The following PLXDC2 variants were observed in gnomAD, a reference collection of about 807,000 sequenced individuals.
The protein encoded by PLXDC2 is plexin domain containing 2.
A neutral mutation model predicts 68.9 loss-of-function variants in PLXDC2; 40 were observed. The ratio of observed to expected loss-of-function variants is 0.58; its 90% CI spans 0.45 to 0.76. The LOEUF is 0.76. Ranked by LOEUF, PLXDC2 falls within the 30% of genes least tolerant of loss-of-function variation. The pLI is 0.00. For synonymous variants in PLXDC2, 243 were observed against 234.2 expected, an observed-to-expected ratio of 1.04 and a Z score of -0.34; for missense variants, 644 against 661.9, an observed-to-expected ratio of 0.97 and a Z score of 0.30.
chr10:20,057,554 A>G (rs1429699276), intron 3 of PLXDC2, among the ~76,000 whole-genome samples: 1 of 152,060 alleles, frequency 6.6e-6, no homozygotes, highest in Middle Eastern at 3.2e-3. Flanking sequence ...TAGTATTCCC[A>G]TCGGAATTCC....
At chr10:20,064,000 G>A (rs1200287568) in intron 3 of PLXDC2, among the ~76,000 whole-genome samples, 1 of 152,066 alleles carries the variant, frequency 6.6e-6, no homozygotes, top group Non-Finnish European at 1.5e-5. Flanking sequence ...AGCAAATTCA[G>A]TCGATTTTGT....
At chr10:19,958,643 A>G (rs562980873) in intron 1 of PLXDC2, among the ~76,000 whole-genome samples, 1 of 152,270 alleles carries the variant, frequency 6.6e-6, no homozygotes, top group Admixed American at 6.5e-5. Context: ...GTAGTTCAGT[A>G]CTTGAAGTTA....
intron 6 of PLXDC2, among the ~76,000 whole-genome samples, chr10:20,163,188 C>T (rs1834329247): frequency 6.6e-6 from 1 of 152,132 alleles, no homozygotes; most frequent in South Asian, 2.1e-4. Context: ...AGCATACTGA[C>T]ACAAAATTTG....
chr10:20,087,436 A>G (rs908211006), intron 4 of PLXDC2, among the ~76,000 whole-genome samples: 1 of 152,234 alleles, frequency 6.6e-6, no homozygotes, highest in Non-Finnish European at 1.5e-5. Flanking sequence ...GTAGTAAAGC[A>G]CAATTCATCA....
intron 7 of PLXDC2, among the ~76,000 whole-genome samples, chr10:20,169,480 C>T (rs1834417558): frequency 6.6e-6 from 1 of 152,152 alleles, no homozygotes. Flanking sequence ...TCAGCCTCAG[C>T]TTATGTCCTT....
intron 2 of PLXDC2, among the ~76,000 whole-genome samples, chr10:20,016,268 G>C (rs1278088372): frequency 2.0e-5 from 3 of 151,906 alleles, no homozygotes; most frequent in African/African-American, 7.3e-5. Flanking sequence ...GTTTAACTGA[G>C]GGTTAGACAT....
chr10:19,858,021 G>A (rs1190375249), intron 1 of PLXDC2, among the ~76,000 whole-genome samples: 9 of 152,062 alleles, frequency 5.9e-5, no homozygotes, highest in Non-Finnish European at 7.4e-5. Flanking sequence ...ATGACTTCCC[G>A]TTCATCTGTT....
intron 4 of PLXDC2, among the ~76,000 whole-genome samples, chr10:20,115,821 T>C (rs1201397826): frequency 1.3e-5 from 2 of 152,192 alleles, no homozygotes; most frequent in African/African-American, 2.4e-5. Context: ...CTTTGAGCAC[T>C]TAGACAAGGT....
chr10:19,916,800 C>T (rs556223678), intron 1 of PLXDC2, among the ~76,000 whole-genome samples: 6 of 152,030 alleles, frequency 3.9e-5, no homozygotes, highest in South Asian at 2.1e-4. Flanking sequence ...CTGGAGTAAT[C>T]GTCATAGTTA....
chr10:20,094,803 A>G (rs1833326595), intron 4 of PLXDC2, among the ~76,000 whole-genome samples: 1 of 152,192 alleles, frequency 6.6e-6, no homozygotes, highest in African/African-American at 2.4e-5. Context: ...CATGTGGAAG[A>G]CTTTTTCCTC....
chr10:20,124,538 G>A (rs1022352499), intron 4 of PLXDC2, among the ~76,000 whole-genome samples: 8 of 152,160 alleles, frequency 5.3e-5, no homozygotes, highest in Non-Finnish European at 7.3e-5. Flanking sequence ...CAAATTTCCT[G>A]CGTGTCTGAG....
At chr10:19,929,817 T>C (rs1460039743) in intron 1 of PLXDC2, among the ~76,000 whole-genome samples, 1 of 152,224 alleles carries the variant, frequency 6.6e-6, no homozygotes, top group Non-Finnish European at 1.5e-5. Context: ...TGTAATTTTA[T>C]GTTAATGCTC....
chr10:19,937,544 G>GTGTATATATATATATATATATA (rs1283000294), intron 1 of PLXDC2, among the ~76,000 whole-genome samples: 2 of 95,980 alleles, frequency 2.1e-5, no homozygotes, highest in South Asian at 3.9e-4. Context: ...TATAGTCAAT[G>GTGTATATATATATATATATATA]TATATATATA....
At chr10:19,912,805 T>A (rs1454340508) in intron 1 of PLXDC2, among the ~76,000 whole-genome samples, 1 of 152,182 alleles carries the variant, frequency 6.6e-6, no homozygotes, top group East Asian at 1.9e-4. Flanking sequence ...ACTAGCTCTT[T>A]CTCTAGCTAG....
At chr10:20,008,356 A>G (rs1284316524) in intron 2 of PLXDC2, among the ~76,000 whole-genome samples, 1 of 152,124 alleles carries the variant, frequency 6.6e-6, no homozygotes, top group Non-Finnish European at 1.5e-5. Context: ...GGAGTTCAAG[A>G]CCAGCCAGGC....
chr10:19,961,350 C>T (rs1408847591), intron 1 of PLXDC2, among the ~76,000 whole-genome samples: 1 of 152,200 alleles, frequency 6.6e-6, no homozygotes, highest in Non-Finnish European at 1.5e-5. Context: ...ACAGTTGGAT[C>T]GCTGTGGAGC....
chr10:19,921,243 T>C (rs1034765608), intron 1 of PLXDC2, among the ~76,000 whole-genome samples: 1 of 152,148 alleles, frequency 6.6e-6, no homozygotes, highest in African/African-American at 2.4e-5. Flanking sequence ...ATTTTAAAAG[T>C]ATCACTTAGA....
chr10:20,165,230 G>A (rs1229117185), intron 7 of PLXDC2, among the ~76,000 whole-genome samples: 1 of 151,958 alleles, frequency 6.6e-6, no homozygotes, highest in Non-Finnish European at 1.5e-5. Context: ...TATATGTTTG[G>A]CTTAAGTGTA....
intron 6 of PLXDC2, among the ~76,000 whole-genome samples, chr10:20,157,550 GC>G (rs1834233169): frequency 6.6e-6 from 1 of 152,198 alleles, no homozygotes. Context: ...GATGTAAAAA[GC>G]TCATGGTTAA....
Sources: allele counts gnomAD v4.1 joint callset (sites outside exome capture counted in the v4.1 genomes callset), GRCh38; gene constraint gnomAD v4.1.1; transcripts MANE v1.5; gene names NCBI Gene and HGNC (gene_info 2026-07-23, HGNC 2026-07-21).